RAPGEF4: variants seen among roughly 807,000 people sequenced by gnomAD.
RAPGEF4 encodes RAP guanine-nucleotide-exchange factor (GEF) 4.
A neutral mutation model predicts 147.9 loss-of-function variants in RAPGEF4; 66 were observed. The ratio of observed to expected loss-of-function variants is 0.45; its 90% CI spans 0.37 to 0.55. RAPGEF4 has a LOEUF of 0.55. Ranked by LOEUF, RAPGEF4 falls within the 20% of genes least tolerant of loss-of-function variation. The pLI is 0.00. For synonymous variants in RAPGEF4, 419 were observed against 442.7 expected (o/e 0.95, Z 0.67); for missense variants, 1,071 against 1,257.3 (o/e 0.85, Z 2.24).
chr2:173,017,615 C>G (rs974736781), intron 21 of RAPGEF4, 111 bp downstream of exon 21: 9 of 1,043,310 alleles, frequency 8.6e-6, no homozygotes, highest in Non-Finnish European at 1.1e-5. Context: ...GCCCTGTTGC[C>G]CTCCAGATGG....
At chr2:172,909,595 G>A (rs892911476) in intron 4 of RAPGEF4, among the ~76,000 whole-genome samples, 3 of 152,156 alleles carry the variant, frequency 2.0e-5, no homozygotes, top group Admixed American at 1.3e-4. Context: ...TCCACAGCCG[G>A]AGTGTGGAGG....
At chr2:172,849,793 T>G (rs2149731440) in intron 4 of RAPGEF4, among the ~76,000 whole-genome samples, 1 of 152,382 alleles carries the variant, frequency 6.6e-6, no homozygotes, top group South Asian at 2.1e-4. Context: ...TCCAGTTTCC[T>G]TACCTGAAAA....
chr2:173,020,384 A>T (rs1444329096), intron 22 of RAPGEF4, among the ~76,000 whole-genome samples: 1 of 152,034 alleles, frequency 6.6e-6, no homozygotes, highest in Non-Finnish European at 1.5e-5. Flanking sequence ...GGGTGAATTG[A>T]CCCTCTGGCA....
Position 172,966,492 on chromosome 2 carries a change from C to T in RAPGEF4, c.821-769C>T, listed in dbSNP as rs78757217. Reference sequence around the variant, plus strand: ...CTGCTGCTGCTGCTCCTCCAGGAATCGCCCTTTGAGCAGCAAGGGATCTAC... The same window carrying T: ...CTGCTGCTGCTGCTCCTCCAGGAATTGCCCTTTGAGCAGCAAGGGATCTAC... On this transcript the variant is annotated intron_variant, in intron 9 of 30. Coordinates refer to ENST00000397081, the MANE Select transcript of RAPGEF4 (RefSeq NM_007023.4). Among the ~76,000 whole-genome samples the T allele has an allele frequency of 2.2e-3, 330 of 152,226 alleles. 1 individual carries two copies. Among genetic ancestry groups the T allele is most frequent in the African/African-American group, 7.4e-3 (306 of 41,520 alleles).
At chr2:173,026,342 C>T (rs1037856505) in intron 23 of RAPGEF4, among the ~76,000 whole-genome samples, 2 of 152,128 alleles carry the variant, frequency 1.3e-5, no homozygotes, top group Admixed American at 6.5e-5. Flanking sequence ...TTATTTGCCG[C>T]GGTTCACATT....
At chr2:172,851,847 T>C (rs1219015888) in intron 4 of RAPGEF4, among the ~76,000 whole-genome samples, 1 of 152,134 alleles carries the variant, frequency 6.6e-6, no homozygotes, top group Non-Finnish European at 1.5e-5. Context: ...AAAGTACCTG[T>C]CGGGTACCAT....
intron 4 of RAPGEF4, among the ~76,000 whole-genome samples, chr2:172,885,684 G>A (rs1289613959): frequency 6.6e-6 from 1 of 152,022 alleles, no homozygotes; most frequent in Non-Finnish European, 1.5e-5. Context: ...GAACAGTATG[G>A]GAGGAACCGC....
intron 12 of RAPGEF4, among the ~76,000 whole-genome samples, chr2:172,987,315 TAAAA>T (rs1692366795): frequency 6.6e-6 from 1 of 151,942 alleles, no homozygotes; most frequent in African/African-American, 2.4e-5. Flanking sequence ...AAATAAAAAA[TAAAA>T]AATAAATTAT....
At chr2:173,016,486 A>C in intron 19 of RAPGEF4, 49 bp downstream of exon 19, 8 of 1,456,148 alleles carry the variant, frequency 5.5e-6, no homozygotes, top group Non-Finnish European at 7.7e-6. Flanking sequence ...AGTAAATCTC[A>C]AAAAGTCCTT....
chr2:172,763,512 G>A (rs953584593), intron 1 of RAPGEF4, among the ~76,000 whole-genome samples: 6 of 152,150 alleles, frequency 3.9e-5, no homozygotes, highest in African/African-American at 1.2e-4. Context: ...CAGAGGAGGT[G>A]GCATGAAAGC....
chr2:172,749,946 A>C (rs538776196), intron 1 of RAPGEF4, among the ~76,000 whole-genome samples: 13 of 152,304 alleles, frequency 8.5e-5, no homozygotes, highest in African/African-American at 2.9e-4. Context: ...TTCTTTGCTA[A>C]AACATAGCAA....
At chr2:173,000,082 G>A (rs1350011359) in intron 16 of RAPGEF4, among the ~76,000 whole-genome samples, 1 of 152,096 alleles carries the variant, frequency 6.6e-6, no homozygotes, top group African/African-American at 2.4e-5. Flanking sequence ...GTTAAGCTCA[G>A]GCAAGCCAAA....
At chr2:172,925,587 TACACAC>T (rs10534191) in intron 6 of RAPGEF4, among the ~76,000 whole-genome samples, 2,650 of 146,936 alleles carry the variant, frequency 0.018, 65 homozygotes, top group African/African-American at 0.057. Context: ...ACTCTGTCTG[TACACAC>T]ACACACACAC....
In RAPGEF4 at chr2:172,963,408, A is replaced by C. The variant is rs73977739; in HGVS notation, c.699-2154A>C. On this transcript the variant is annotated intron_variant, in intron 8 of 30. Transcript: ENST00000397081. ...TCAAAGATCTCATATGGTTAAAGGA[A>C]CTTTTTCTTTTCAAAATTGTATTAC... Among the ~76,000 whole-genome samples, 227 of 152,360 alleles carry C rather than the reference A, an allele frequency of 1.5e-3. 1 individual carries two copies. Among genetic ancestry groups the C allele is most frequent in the African/African-American group, 5.1e-3 (212 of 41,584 alleles).
chr2:173,040,342 A>G (rs1247577612), intron 29 of RAPGEF4, among the ~76,000 whole-genome samples: 2 of 152,156 alleles, frequency 1.3e-5, no homozygotes, highest in East Asian at 1.9e-4. Flanking sequence ...CCCTACCCCC[A>G]TATCACCACC....
chr2:173,023,458 G>A (rs1232241263), intron 23 of RAPGEF4, among the ~76,000 whole-genome samples: 2 of 152,188 alleles, frequency 1.3e-5, no homozygotes, highest in Non-Finnish European at 2.9e-5. Context: ...CCAAGGAGGC[G>A]CTTCCTCTGG....
chr2:172,955,745 C>T (rs867818538), intron 6 of RAPGEF4, among the ~76,000 whole-genome samples: 10 of 152,148 alleles, frequency 6.6e-5, no homozygotes, highest in South Asian at 4.1e-4. Context: ...TACTCTGTGC[C>T]GTCCCGCTGT....
intron 6 of RAPGEF4, among the ~76,000 whole-genome samples, chr2:172,944,486 C>T (rs1441480395): frequency 6.6e-6 from 1 of 152,166 alleles, no homozygotes; most frequent in Non-Finnish European, 1.5e-5. Flanking sequence ...CCTAGCACAG[C>T]GAGTCATGAC....
intron 3 of RAPGEF4, among the ~76,000 whole-genome samples, chr2:172,809,986 G>T (rs1190637322): frequency 6.6e-6 from 1 of 152,178 alleles, no homozygotes; most frequent in Non-Finnish European, 1.5e-5. Flanking sequence ...TATTTTCCTA[G>T]TGATTTTGAC....
Sources: gnomAD v4.1 joint callset for allele counts (sites outside exome capture counted in the v4.1 genomes callset) on GRCh38, gnomAD v4.1.1 for gene constraint, MANE v1.5 for transcripts, NCBI Gene and HGNC (gene_info 2026-07-23, HGNC 2026-07-21) for gene names.